The following CEP350 variants were observed in gnomAD, a reference collection of about 807,000 sequenced individuals.
CEP350 encodes the protein centrosomal protein 350.
In CEP350, 126 loss-of-function variants were observed where a neutral mutation model predicts 331.8. That is an observed-to-expected ratio of 0.38 (90% CI 0.33 to 0.44). The LOEUF is 0.44. Ranked by LOEUF, CEP350 falls within the 20% of genes least tolerant of loss-of-function variation. The pLI, the probability that CEP350 is intolerant of heterozygous loss-of-function variation, is 1.00. For synonymous variants in CEP350, 1,200 were observed against 1,259.5 expected (o/e 0.95, Z 1.00); for missense variants, 3,406 against 3,634.6 (o/e 0.94, Z 1.62).
At chr1:180,022,381 T>TC (rs1351799666) in intron 12 of CEP350, among the ~76,000 whole-genome samples, 1 of 152,112 alleles carries the variant, frequency 6.6e-6, no homozygotes, top group Non-Finnish European at 1.5e-5. Flanking sequence ...TTTAAAATAG[T>TC]CTGGGGGGTG....
chr1:180,091,202 AC>A (rs1419411787), intron 33 of CEP350, among the ~76,000 whole-genome samples: 51 of 147,578 alleles, frequency 3.5e-4, no homozygotes, highest in Middle Eastern at 3.4e-3. Context: ...TTTTTAAGAG[AC>A]GGGGGGGTCT....
Position 180,087,690 on chromosome 1 carries a change from A to G in CEP350, c.6398A>G (p.Lys2133Arg), listed in dbSNP as rs758134335. The G allele has an allele frequency of 2.8e-5, 44 of 1,584,914 alleles. No homozygotes were observed. Among genetic ancestry groups the G allele is most frequent in the Non-Finnish European group, 3.4e-5 (40 of 1,163,978 alleles). ...CTCTCCTCAGCTTCTGAAAAACCCA[A>G]GATCAAACCCCTCACACCACTACAC... ...KTLSSASEKP[K>R]IKPLTPLHRS... The change falls in exon 32 of 38, where the codon AAG (lysine) becomes AGG (arginine). Residue 2133 changes from lysine (K) to arginine (R), a missense_variant. This residue lies in a region of CEP350 where 1,415 missense variants were observed against 1,512.3 expected (regional missense o/e 0.94). Transcript: ENST00000367607.
At chr1:180,103,571 G>A (rs1660952668) in intron 37 of CEP350, among the ~76,000 whole-genome samples, 1 of 151,768 alleles carries the variant, frequency 6.6e-6, no homozygotes, top group South Asian at 2.1e-4. Flanking sequence ...ATTTAAGATT[G>A]TGTGTGTGTG....
chr1:180,088,468 G>A (rs1057274088), intron 32 of CEP350, among the ~76,000 whole-genome samples: 1 of 149,978 alleles, frequency 6.7e-6, no homozygotes, highest in Non-Finnish European at 1.5e-5. Context: ...GAACATAATA[G>A]GTTATTGCTG....
At chr1:179,988,575 T>C (rs73032367) in intron 3 of CEP350, among the ~76,000 whole-genome samples, 2,550 of 152,242 alleles carry the variant, frequency 0.017, 74 homozygotes, top group African/African-American at 0.058. Flanking sequence ...AGAATGACTA[T>C]GGGCAACCTG....
intron 27 of CEP350, among the ~76,000 whole-genome samples, chr1:180,073,253 T>C (rs16843139): frequency 0.12 from 18,186 of 152,190 alleles, 1,173 homozygotes; most frequent in South Asian, 0.16. Flanking sequence ...TTTTATATTG[T>C]GGAGGTGAAC....
intron 20 of CEP350, 116 bp downstream of exon 20, chr1:180,043,308 G>A: frequency 8.1e-7 from 1 of 1,231,866 alleles, no homozygotes; most frequent in East Asian, 2.6e-5. Flanking sequence ...TGAGAATACA[G>A]TTATGGGCAT....
At chr1:180,070,782 A>AT (rs1198133446) in intron 27 of CEP350, among the ~76,000 whole-genome samples, 1 of 152,234 alleles carries the variant, frequency 6.6e-6, no homozygotes, top group South Asian at 2.1e-4. Flanking sequence ...TGAAATTAGC[A>AT]AAGTGCTAGA....
At chr1:180,026,193 C>G (rs906394232) in intron 14 of CEP350, among the ~76,000 whole-genome samples, 2 of 151,812 alleles carry the variant, frequency 1.3e-5, no homozygotes, top group African/African-American at 4.8e-5. Flanking sequence ...ATCGCTTGAA[C>G]CCAGGAGGCA....
intron 16 of CEP350, among the ~76,000 whole-genome samples, chr1:180,034,463 G>T (rs921929661): frequency 6.4e-5 from 7 of 109,930 alleles, no homozygotes; most frequent in Admixed American, 2.4e-4. Flanking sequence ...ATACTGCGGG[G>T]TTTTTTTGTC....
intron 1 of CEP350, among the ~76,000 whole-genome samples, chr1:179,968,147 A>G (rs1326523753): frequency 6.6e-6 from 1 of 152,150 alleles, no homozygotes; most frequent in Non-Finnish European, 1.5e-5. Context: ...CCTGGCCAAC[A>G]TGGCGAAACC....
chr1:179,996,889 C>A lies in CEP350; in HGVS notation c.732C>A (p.Ala244=). 1 of 1,613,902 alleles carries A rather than the reference C, an allele frequency of 6.2e-7. No homozygotes were observed. Among genetic ancestry groups the A allele is most frequent in the Non-Finnish European group, 8.5e-7 (1 of 1,179,852 alleles). The stretch of plus-strand genomic sequence containing the variant: ...TGAAGCTTTCTGTGAATAACATGGC[C>A]CATGATACTGATCCAAAAGCGTTAC... ...NNLKLSVNNM[A]HDTDPKALRL... is the part of the protein sequence containing the mutation. The change falls in exon 6 of 38, where the codon GCC becomes GCA. Residue 244 remains alanine (A), a synonymous_variant. Coordinates refer to ENST00000367607, the MANE Select transcript of CEP350 (RefSeq NM_014810.5).
chr1:180,032,415 G>A (rs1656084629), intron 15 of CEP350, among the ~76,000 whole-genome samples: 1 of 151,892 alleles, frequency 6.6e-6, no homozygotes. Context: ...TTGGAATTTA[G>A]AAAACTTTAC....
At position 180,075,109 on chromosome 1, in the gene CEP350, A is replaced by G; in HGVS notation, c.5655A>G (p.Glu1885=). 3 of 1,613,724 alleles carry G rather than the reference A, an allele frequency of 1.9e-6. No homozygotes were observed. Among genetic ancestry groups the G allele is most frequent in the Non-Finnish European group, 2.5e-6 (3 of 1,179,768 alleles). The change falls in exon 28 of 38, where the codon GAA becomes GAG. Residue 1885 remains glutamate (E), a synonymous_variant. Coordinates refer to ENST00000367607, the MANE Select transcript of CEP350 (RefSeq NM_014810.5). ...AGTGGAAGCGACGTTTAGATGCAGA[A>G]GAAGCAGAAATTCGTCAAATGGAAA... ...LLEWKRRLDA[E]EAEIRQMEKQ...
chr1:179,988,947 A>G (rs1191645828), intron 3 of CEP350, among the ~76,000 whole-genome samples: 1 of 152,106 alleles, frequency 6.6e-6, no homozygotes, highest in African/African-American at 2.4e-5. Flanking sequence ...TAGTGTAGAA[A>G]TAGTTTTTAT....
Position 180,075,197 on chromosome 1 carries a change from G to A in CEP350, c.5743G>A (p.Glu1915Lys), listed in dbSNP as rs1176050381. The A allele has an allele frequency of 1.2e-6, 2 of 1,612,184 alleles. No individual in the cohort carries two copies. Among genetic ancestry groups the A allele is most frequent in the Admixed American group, 1.7e-5 (1 of 59,768 alleles). ...ACCCAAAACTCCTAAGAAAGAACTG[G>A]AGGACCAGAGAACAGAACAGAAAGG... ...IKPKTPKKELEDQRTEQKEIA... is the reference protein window; with the variant it reads ...IKPKTPKKELKDQRTEQKEIA... The change falls in exon 28 of 38, where the codon GAG (glutamate) becomes AAG (lysine). Residue 1915 changes from glutamate (E) to lysine (K), a missense_variant. By Grantham distance (56) the Glu-to-Lys change is moderately conservative. Coordinates refer to ENST00000367607, the MANE Select transcript of CEP350 (RefSeq NM_014810.5).
At chr1:179,961,472 G>A (rs1041223116) in intron 1 of CEP350, among the ~76,000 whole-genome samples, 18 of 151,420 alleles carry the variant, frequency 1.2e-4, no homozygotes, top group African/African-American at 2.7e-4. Flanking sequence ...AAAATAAAGC[G>A]CTCACTACCT....
At chr1:180,089,845 A>G (rs1288088163) in intron 32 of CEP350, among the ~76,000 whole-genome samples, 1 of 152,224 alleles carries the variant, frequency 6.6e-6, no homozygotes, top group African/African-American at 2.4e-5. Context: ...GGTTGAAGCC[A>G]TAAATCACCC....
Position 180,065,150 on chromosome 1 carries a change from G to A in CEP350, c.5445G>A (p.Lys1815=). 1 of 1,611,124 alleles carries A rather than the reference G, an allele frequency of 6.2e-7. No individual in the cohort carries two copies. The highest frequency in any genetic ancestry group is 8.5e-7 in the Non-Finnish European group (1 of 1,179,024). Residue 1815 remains lysine (K), a synonymous_variant, in exon 27 of 38, where the codon AAG becomes AAA. Transcript: ENST00000367607. ...GTGATGATGATACAAAGGATAATAAGGCAACCAGTCCTGGTCCAACTGACT... is the reference window on the plus strand; with the variant it reads ...GTGATGATGATACAAAGGATAATAAAGCAACCAGTCCTGGTCCAACTGACT... The part of the protein sequence containing the change: ...SHSDDDTKDN[K]ATSPGPTDLE...
Sources: gnomAD v4.1 joint callset for allele counts (sites outside exome capture counted in the v4.1 genomes callset) on GRCh38, gnomAD v4.1.1 for gene constraint, gnomAD v4.1.1 regional missense constraint, MANE v1.5 for transcripts, NCBI Gene and HGNC (gene_info 2026-07-23, HGNC 2026-07-21) for gene names.